Variants in GABRG2 observed in about 807,000 individuals in gnomAD.
GABRG2 encodes gamma-aminobutyric acid receptor subunit gamma-2.
In GABRG2, 16 loss-of-function variants were observed where a neutral mutation model predicts 56.4. The observed-to-expected ratio is 0.28, with a 90% CI of 0.19 to 0.43. The LOEUF is 0.43. GABRG2 is among the 20% of genes least tolerant of loss of function. The pLI, the probability that GABRG2 is intolerant of heterozygous loss-of-function variation, is 1.00. For missense variants in GABRG2, 327 were observed against 582.7 expected, an observed-to-expected ratio of 0.56 and a Z score of 4.52; for synonymous variants, 208 against 205.5, an observed-to-expected ratio of 1.01 and a Z score of -0.10.
chr5:162,108,205 A>C (rs1761975064), intron 6 of GABRG2, among the ~76,000 whole-genome samples: 1 of 151,988 alleles, frequency 6.6e-6, no homozygotes, highest in South Asian at 2.1e-4. Flanking sequence ...TGACATTCAT[A>C]CTCTTAATCA....
chr5:162,154,023 A>G lies in GABRG2; in HGVS notation c.*655A>G, dbSNP rs1765556584. ...CTTTTATTTTGTGTCCTTGGGCTAT[A>G]AAAGATTCCTGAATGTAATTATAAG... On this transcript the variant is annotated 3_prime_UTR_variant, in exon 10 of 10. Coordinates refer to ENST00000639213, the MANE Select transcript of GABRG2 (RefSeq NM_198904.4). 1 of 153,094 alleles carries G rather than the reference A, an allele frequency of 6.5e-6. No homozygotes were observed. The highest frequency in any genetic ancestry group is 1.9e-4 in the East Asian group (1 of 5,196). 9.5% of individuals were successfully genotyped at this position (153,094 alleles called of 1,614,324 possible).
At chr5:162,094,611 A>G (rs1022748818) in intron 2 of GABRG2, 1 of 153,408 alleles carries the variant, frequency 6.5e-6, no homozygotes, top group Non-Finnish European at 1.4e-5. Flanking sequence ...TTGTATATAT[A>G]TTATTAGCCG....
intron 1 of GABRG2, among the ~76,000 whole-genome samples, chr5:162,079,199 G>A (rs1455029979): frequency 6.6e-6 from 1 of 152,094 alleles, no homozygotes; most frequent in Non-Finnish European, 1.5e-5. Context: ...TTGGGAGACT[G>A]ACTTCCCTTT....
At chr5:162,068,512 G>T in intron 1 of GABRG2, among the ~76,000 whole-genome samples, 1 of 151,134 alleles carries the variant, frequency 6.6e-6, no homozygotes, top group Admixed American at 6.6e-5. Context: ...GGCGCACACC[G>T]GAGAGATATG....
Position 162,141,013 on chromosome 5 carries a change from A to G in GABRG2, c.770-1151A>G, listed in dbSNP as rs538002342. Among the ~76,000 whole-genome samples the G allele has an allele frequency of 5.9e-5, 9 of 152,058 alleles. No individual in the cohort carries two copies. The East Asian group carries it at 1.7e-3, about 29-fold the overall frequency. ...TTAATATATTCTCTGGATTATTTAC[A>G]TACATTTTGCTTCTTTTTTTTGTTT... On this transcript the variant is annotated intron_variant, in intron 6 of 9. Transcript: ENST00000639213.
intron 6 of GABRG2, among the ~76,000 whole-genome samples, chr5:162,116,445 CAAAAGGGG>C (rs77994214): frequency 0.11 from 16,296 of 151,558 alleles, 1,090 homozygotes; most frequent in East Asian, 0.25. Flanking sequence ...TTCTCATAGC[CAAAAGGGG>C]AAATAATAGA....
chr5:162,091,971 G>A (rs938097585), intron 1 of GABRG2, among the ~76,000 whole-genome samples: 14 of 152,026 alleles, frequency 9.2e-5, no homozygotes, highest in South Asian at 2.1e-4. Context: ...AATTTAAACC[G>A]TAATATATTC....
chr5:162,095,625 C>A, intron 3 of GABRG2, 63 bp downstream of exon 3: 2 of 1,209,660 alleles, frequency 1.7e-6, no homozygotes, highest in African/African-American at 1.5e-5. Context: ...AATGTGATGT[C>A]ATGGAAATAG....
At position 162,153,788 on chromosome 5, in the gene GABRG2, A is replaced by C; in HGVS notation, c.*420A>C. On this transcript the variant is annotated 3_prime_UTR_variant, in exon 10 of 10. Coordinates refer to ENST00000639213, the MANE Select transcript of GABRG2 (RefSeq NM_198904.4). The stretch of plus-strand genomic sequence containing the variant: ...GTGATAAATTTGATCCCAATAGAAT[A>C]CCTCCCTCATTTAAGAAAAATCATA... 1 of 190,638 alleles carries C rather than the reference A, an allele frequency of 5.2e-6. No homozygotes were observed. The highest frequency in any genetic ancestry group is 1.1e-5 in the Non-Finnish European group (1 of 90,886). 11.8% of individuals were successfully genotyped at this position (190,638 alleles called of 1,614,324 possible).
chr5:162,074,148 G>A (rs1486579296), intron 1 of GABRG2, among the ~76,000 whole-genome samples: 4 of 151,840 alleles, frequency 2.6e-5, no homozygotes, highest in Non-Finnish European at 5.9e-5. Context: ...CTCCTTTCAA[G>A]TTACACATTA....
chr5:162,128,625 A>G (rs751268376), intron 6 of GABRG2, among the ~76,000 whole-genome samples: 22 of 152,000 alleles, frequency 1.4e-4, no homozygotes, highest in African/African-American at 4.1e-4. Flanking sequence ...CTCTTCTATC[A>G]TATGGTTATC....
chr5:162,097,234 T>A (rs752328802), intron 3 of GABRG2, among the ~76,000 whole-genome samples: 1 of 152,052 alleles, frequency 6.6e-6, no homozygotes, highest in African/African-American at 2.4e-5. Flanking sequence ...CAGGATTGAG[T>A]ATGGGTTTGG....
chr5:162,075,996 A>T (rs1227021821), intron 1 of GABRG2, among the ~76,000 whole-genome samples: 2 of 151,706 alleles, frequency 1.3e-5, no homozygotes, highest in Non-Finnish European at 2.9e-5. Flanking sequence ...CAAGAAAAAA[A>T]AAAAAATTAA....
rs186732777 is a variant in GABRG2, at chr5:162,084,973, C to A, written c.108-8855C>A. Among the ~76,000 whole-genome samples the A allele has an allele frequency of 4.3e-4, 66 of 151,848 alleles. 1 individual carries two copies. Among genetic ancestry groups the A allele is most frequent in the African/African-American group, 1.4e-3 (59 of 41,494 alleles). Reference sequence around the variant, plus strand: ...TCTACCATTTGATAAAAAAAAAATGCTGCATGAGACTAACGTAATTATGAA... The same window carrying A: ...TCTACCATTTGATAAAAAAAAAATGATGCATGAGACTAACGTAATTATGAA... On this transcript the variant is annotated intron_variant, in intron 1 of 9. Coordinates refer to ENST00000639213, the MANE Select transcript of GABRG2 (RefSeq NM_198904.4).
chr5:162,130,913 A>G (rs1763696446), intron 6 of GABRG2, among the ~76,000 whole-genome samples: 1 of 151,998 alleles, frequency 6.6e-6, no homozygotes. Flanking sequence ...CCATGAGGTC[A>G]TCATCTAAAC....
intron 6 of GABRG2, among the ~76,000 whole-genome samples, chr5:162,121,222 C>A (rs1762959504): frequency 2.6e-5 from 4 of 152,000 alleles, no homozygotes. Flanking sequence ...GTGTTTCTGT[C>A]CAAACCTGTT....
intron 1 of GABRG2, among the ~76,000 whole-genome samples, chr5:162,070,532 G>A (rs758914943): frequency 1.9e-4 from 29 of 149,806 alleles, no homozygotes; most frequent in African/African-American, 4.2e-4. Context: ...GAAAGTTAAA[G>A]ATAAATAAAA....
At chr5:162,082,982 A>T (rs568034052) in intron 1 of GABRG2, among the ~76,000 whole-genome samples, 1 of 151,794 alleles carries the variant, frequency 6.6e-6, no homozygotes, top group South Asian at 2.1e-4. Flanking sequence ...CTAAAGATGA[A>T]TTTTTAGCAC....
chr5:162,145,475 G>A (rs555824325), intron 7 of GABRG2, among the ~76,000 whole-genome samples: 49 of 152,264 alleles, frequency 3.2e-4, no homozygotes, highest in African/African-American at 1.2e-3. Flanking sequence ...CAAAATGGAA[G>A]CTGTCTTATT....
Sources: allele counts gnomAD v4.1 joint callset (sites outside exome capture counted in the v4.1 genomes callset), GRCh38; gene constraint gnomAD v4.1.1; transcripts MANE v1.5; gene names NCBI Gene and HGNC (gene_info 2026-07-23, HGNC 2026-07-21).